Variants in SHROOM3 observed in about 807,000 individuals in gnomAD.
SHROOM3 encodes the protein protein Shroom3.
Under a neutral mutation model 138.6 loss-of-function variants are expected in SHROOM3, and 47 were observed. The observed-to-expected ratio is 0.34, with a 90% CI of 0.27 to 0.43. The LOEUF (loss-of-function observed/expected upper bound fraction) is 0.43, where lower values mean the gene tolerates loss of function less well. SHROOM3 is among the 20% of genes least tolerant of loss of function. The pLI, the probability that SHROOM3 is intolerant of heterozygous loss-of-function variation, is 1.00. For synonymous variants in SHROOM3, 1,062 were observed against 1,063.3 expected, an observed-to-expected ratio of 1.00 and a Z score of 0.02; for missense variants, 2,491 against 2,596.5, an observed-to-expected ratio of 0.96 and a Z score of 0.88.
chr4:76,496,194 A>G (rs1376865647), intron 1 of SHROOM3, among the ~76,000 whole-genome samples: 1 of 152,178 alleles, frequency 6.6e-6, no homozygotes, highest in Admixed American at 6.5e-5. Flanking sequence ...AGTGAATTGG[A>G]GGGTGTGCTT....
At chr4:76,502,075 G>A (rs62300880) in intron 1 of SHROOM3, among the ~76,000 whole-genome samples, 5,330 of 152,034 alleles carry the variant, frequency 0.035, 119 homozygotes, top group Middle Eastern at 0.079. Flanking sequence ...GGTTATTACG[G>A]TACTGGAACT....
chr4:76,755,313 G>C, intron 7 of SHROOM3, 121 bp downstream of exon 7: 3 of 1,197,006 alleles, frequency 2.5e-6, no homozygotes, highest in Non-Finnish European at 3.6e-6. Flanking sequence ...ATACAGCTCA[G>C]CTCAGGACAC....
At chr4:76,757,508 G>A (rs1271844937) in intron 8 of SHROOM3, among the ~76,000 whole-genome samples, 1 of 152,148 alleles carries the variant, frequency 6.6e-6, no homozygotes, top group East Asian at 1.9e-4. Flanking sequence ...GGTGAGCGTG[G>A]CCAACGTCTT....
Position 76,754,319 on chromosome 4 carries a change from G to T in SHROOM3, c.3836G>T (p.Ser1279Ile). The T allele has an allele frequency of 1.9e-6, 3 of 1,614,152 alleles. No individual in the cohort carries two copies. The highest frequency in any genetic ancestry group is 2.5e-6 in the Non-Finnish European group (3 of 1,180,026). Residue 1279 changes from serine (S) to isoleucine (I), a missense_variant, in exon 7 of 11, where the codon AGT becomes ATT. Around this residue, in one of 4 missense-constraint regions of SHROOM3, gnomAD observed 1,733 missense variants for 1,661.6 expected, o/e 1.04. Coordinates refer to ENST00000296043, the MANE Select transcript of SHROOM3 (RefSeq NM_020859.4). ...YLAGPGSRSL[S>I]CSERGQEEML... ...TCTGTGTGCCGTTCCAGGTCACTCAGTTGTTCAGAAAGAGGCCAAGAAGAG... is the reference window on the plus strand; with the variant it reads ...TCTGTGTGCCGTTCCAGGTCACTCATTTGTTCAGAAAGAGGCCAAGAAGAG...
At position 76,763,929 on chromosome 4, in the gene SHROOM3, G is replaced by C. The variant is rs1215154422; in HGVS notation, c.5349+4234G>C. ...AACAAGCTTTTCTAATGATGGTTTA[G>C]AAAAATGATACTTGGTCAATATCCA... On this transcript the variant is annotated intron_variant, in intron 9 of 10. Transcript: ENST00000296043. Among the ~76,000 whole-genome samples, 3 of 152,166 alleles carry C rather than the reference G, an allele frequency of 2.0e-5. No homozygotes were observed. In the East Asian group the frequency reaches 5.8e-4, roughly 29 times the overall value.
intron 2 of SHROOM3, among the ~76,000 whole-genome samples, chr4:76,585,328 A>G (rs1334982186): frequency 6.6e-6 from 1 of 152,228 alleles, no homozygotes; most frequent in Non-Finnish European, 1.5e-5. Context: ...TTTTCCCATC[A>G]TGATGGCTCT....
At chr4:76,627,810 C>T (rs771910158) in intron 2 of SHROOM3, among the ~76,000 whole-genome samples, 6 of 152,060 alleles carry the variant, frequency 3.9e-5, no homozygotes, top group African/African-American at 1.4e-4. Context: ...GTAGCTGGGA[C>T]TACGGGTGTG....
At chr4:76,771,855 A>T (rs1722371496) in intron 10 of SHROOM3, among the ~76,000 whole-genome samples, 1 of 152,186 alleles carries the variant, frequency 6.6e-6, no homozygotes. Context: ...ACTCCTCTGT[A>T]CGGCAAATAG....
intron 1 of SHROOM3, among the ~76,000 whole-genome samples, chr4:76,491,698 C>T (rs1209826725): frequency 6.6e-6 from 1 of 152,144 alleles, no homozygotes; most frequent in African/African-American, 2.4e-5. Flanking sequence ...GCCCCTGAAA[C>T]AACACCAGGA....
intron 9 of SHROOM3, among the ~76,000 whole-genome samples, chr4:76,767,284 G>A (rs1384165450): frequency 2.6e-5 from 4 of 152,180 alleles, no homozygotes; most frequent in African/African-American, 9.6e-5. Context: ...GAAAGGATGA[G>A]TTCTCTCCTC....
intron 2 of SHROOM3, among the ~76,000 whole-genome samples, chr4:76,658,712 G>A (rs1330288175): frequency 6.6e-6 from 1 of 152,096 alleles, no homozygotes; most frequent in African/African-American, 2.4e-5. Flanking sequence ...GCCCGCATGT[G>A]TGCTTGGTAG....
At chr4:76,436,485 T>G (rs1201617704) in intron 1 of SHROOM3, among the ~76,000 whole-genome samples, 1 of 152,214 alleles carries the variant, frequency 6.6e-6, no homozygotes, top group Admixed American at 6.5e-5. Context: ...ATACAATCAG[T>G]TACCACATGA....
intron 2 of SHROOM3, chr4:76,586,396 A>G: frequency 4.1e-6 from 4 of 985,656 alleles, no homozygotes; most frequent in Non-Finnish European, 4.8e-6. Context: ...GCCTTGGCCC[A>G]GTGTCACGCA....
At chr4:76,695,830 A>G (rs1577979325) in intron 2 of SHROOM3, among the ~76,000 whole-genome samples, 1 of 152,148 alleles carries the variant, frequency 6.6e-6, no homozygotes, top group South Asian at 2.1e-4. Flanking sequence ...GAATCTCAGG[A>G]CCATTTCCTC....
rs556902483 is a variant in SHROOM3, at chr4:76,466,913, A to T, written c.168+30693A>T. Among the ~76,000 whole-genome samples, 73 of 152,254 alleles carry T rather than the reference A, an allele frequency of 4.8e-4. 1 individual carries two copies. In the South Asian group the frequency reaches 0.013, roughly 27 times the overall value. ...TTATGAGAAAGTAAAATACTAATAA[A>T]ATAGTATTTTGCTTCTCTGCTGGGG... is the stretch of plus-strand genomic sequence containing the variant. On this transcript the variant is annotated intron_variant, in intron 1 of 10. Coordinates refer to ENST00000296043, the MANE Select transcript of SHROOM3 (RefSeq NM_020859.4).
intron 1 of SHROOM3, among the ~76,000 whole-genome samples, chr4:76,449,413 C>G (rs1214288789): frequency 1.3e-5 from 2 of 152,160 alleles, no homozygotes; most frequent in Admixed American, 1.3e-4. Flanking sequence ...TACACCTAAG[C>G]AGGCAATAGA....
At chr4:76,583,350 C>G (rs1216528768) in intron 2 of SHROOM3, among the ~76,000 whole-genome samples, 1 of 152,196 alleles carries the variant, frequency 6.6e-6, no homozygotes. Flanking sequence ...GCTCTATGCT[C>G]TCACCTCAGG....
In SHROOM3 at chr4:76,639,852, C is replaced by T. The variant is rs111426969; in HGVS notation, c.324-70304C>T. On this transcript the variant is annotated intron_variant, in intron 2 of 10. Transcript: ENST00000296043. Reference sequence around the variant, plus strand: ...ACCTTTGGGCTGATTTTAGGTTAGACGACGTTTTCCCTAAAGGAATCTTAT... The same window carrying T: ...ACCTTTGGGCTGATTTTAGGTTAGATGACGTTTTCCCTAAAGGAATCTTAT... Among the ~76,000 whole-genome samples the T allele has an allele frequency of 2.0e-3, 308 of 152,218 alleles. 4 individuals carry two copies. The highest frequency in any genetic ancestry group is 7.1e-3 in the African/African-American group (293 of 41,544).
rs189307383 is a variant in SHROOM3, at chr4:76,504,454, C to T, written c.169-51155C>T. 4.3e-3 allele frequency among the ~76,000 whole-genome samples: 651 copies of T among 152,228 alleles called. 3 individuals carry two copies. Among genetic ancestry groups the T allele is most frequent in the Non-Finnish European group, 4.3e-3 (293 of 68,022 alleles). ...AATTACAGGCGTGCGCCAAAATGCC[C>T]GGCCGACTTATCAGTTTTTTAAACT... On this transcript the variant is annotated intron_variant, in intron 1 of 10. Coordinates refer to ENST00000296043, the MANE Select transcript of SHROOM3 (RefSeq NM_020859.4).
Sources: allele counts gnomAD v4.1 joint callset (sites outside exome capture counted in the v4.1 genomes callset), GRCh38; gene constraint gnomAD v4.1.1; regional missense constraint gnomAD v4.1.1; transcripts MANE v1.5; gene names NCBI Gene and HGNC (gene_info 2026-07-23, HGNC 2026-07-21).